Variants in ZKSCAN5 observed in about 807,000 individuals in gnomAD.
The protein encoded by ZKSCAN5 is zinc finger with KRAB and SCAN domains 5.
A neutral mutation model predicts 60.0 loss-of-function variants in ZKSCAN5; 28 were observed. That is an observed-to-expected ratio of 0.47 (90% CI 0.35 to 0.64). The LOEUF is 0.64. ZKSCAN5 is among the 30% of genes least tolerant of loss of function. ZKSCAN5 has a pLI of 0.01. For synonymous variants in ZKSCAN5, 361 were observed against 371.2 expected (o/e 0.97, Z 0.31); for missense variants, 881 against 1,034.6 (o/e 0.85, Z 2.04).
chr7:99,522,380 A>G (rs1801574858), intron 5 of ZKSCAN5, among the ~76,000 whole-genome samples: 1 of 152,100 alleles, frequency 6.6e-6, no homozygotes, highest in African/African-American at 2.4e-5. Context: ...TGAAAAAGCT[A>G]TTGTAGATGA....
chr7:99,510,909 A>G (rs1448101024), intron 2 of ZKSCAN5, among the ~76,000 whole-genome samples: 3 of 151,936 alleles, frequency 2.0e-5, no homozygotes, highest in Admixed American at 6.6e-5. Context: ...AGGCCTGGCT[A>G]ATTTTTATAT....
At chr7:99,514,542 C>T (rs1318003792) in intron 3 of ZKSCAN5, among the ~76,000 whole-genome samples, 1 of 151,912 alleles carries the variant, frequency 6.6e-6, no homozygotes. Context: ...GAGGCCAAAG[C>T]AGGTGGATCT....
At chr7:99,530,624 T>G (rs1327687427) in intron 6 of ZKSCAN5, among the ~76,000 whole-genome samples, 2 of 152,200 alleles carry the variant, frequency 1.3e-5, no homozygotes, top group African/African-American at 4.8e-5. Flanking sequence ...TCTTGCTCTT[T>G]TCGTCAGAAA....
chr7:99,506,133 T>C lies in ZKSCAN5; in HGVS notation c.89T>C (p.Val30Ala). 6.2e-7 allele frequency: 1 copy of C among 1,614,080 alleles called. No individual in the cohort carries two copies. The highest frequency in any genetic ancestry group is 8.5e-7 in the Non-Finnish European group (1 of 1,180,008). ...QEQEDLFIVK[V>A]EEEDCTWMQE... ...CAGGAAGACCTTTTCATAGTGAAGGTGGAAGAAGAAGACTGCACCTGGATG... is the reference window on the plus strand; with the variant it reads ...CAGGAAGACCTTTTCATAGTGAAGGCGGAAGAAGAAGACTGCACCTGGATG... Residue 30 changes from valine (V) to alanine (A), a missense_variant, in exon 2 of 7, where the codon GTG (valine) becomes GCG (alanine). This residue lies in a region of ZKSCAN5 where 88 missense variants were observed against 65.2 expected (regional missense o/e 1.35). Transcript: ENST00000326775.
At chr7:99,511,219 T>TGGCA (rs1362293306) in intron 2 of ZKSCAN5, among the ~76,000 whole-genome samples, 1 of 152,192 alleles carries the variant, frequency 6.6e-6, no homozygotes, top group Non-Finnish European at 1.5e-5. Flanking sequence ...AGAGTGGTTG[T>TGGCA]GGCAGAGTAA....
In ZKSCAN5 at chr7:99,523,874, A is replaced by G. The variant is rs183470960; in HGVS notation, c.773-1939A>G. On this transcript the variant is annotated intron_variant, in intron 5 of 6. Transcript: ENST00000326775. ...AGTTTAGGAATTATAACTTCTGACT[A>G]TATCAAAAAAGGATTATGGTAGCTC... Among the ~76,000 whole-genome samples the G allele has an allele frequency of 1.5e-4, 23 of 152,292 alleles. No homozygotes were observed. In the Middle Eastern group the frequency reaches 0.014, roughly 90 times the overall value.
In ZKSCAN5 at chr7:99,534,448, G is replaced by T. The variant is rs1222972660; in HGVS notation, c.*2199G>T. On this transcript the variant is annotated 3_prime_UTR_variant, in exon 7 of 7. Transcript: ENST00000326775. ...CCCAGCACTTTGGGAGGCTGAGGCG[G>T]GCAGATCACGAGGTCAAGAGATCGA... 6.6e-6 allele frequency: 1 copy of T among 152,162 alleles called. No individual in the cohort carries two copies. The highest frequency in any genetic ancestry group is 1.5e-5 in the Non-Finnish European group (1 of 68,064). 9.4% of individuals were successfully genotyped at this position (152,162 alleles called of 1,614,324 possible).
Position 99,526,052 on chromosome 7 carries a change from C to T in ZKSCAN5, c.1012C>T (p.Gln338Ter), listed in dbSNP as rs772038138. ...TGCAATCACAGACATCAGCCCTAAG[C>T]AAAGCACACATGGCGAGAGAGGGCA... ...LDAITDISPK[Q>*]STHGERGHRC... The change falls in exon 6 of 7, where the codon CAA (glutamine) becomes TAA (stop). Residue 338 changes from glutamine (Q) to a stop codon, truncating the protein, a stop_gained. Transcript: ENST00000326775. LOFTEE classifies it high-confidence loss of function. 1 of 1,614,194 alleles carries T rather than the reference C, an allele frequency of 6.2e-7. No homozygotes were observed. The highest frequency in any genetic ancestry group is 8.5e-7 in the Non-Finnish European group (1 of 1,180,034).
At position 99,520,296 on chromosome 7, in the gene ZKSCAN5, C is replaced by G; in HGVS notation, c.764C>G (p.Thr255Ser). The G allele has an allele frequency of 1.2e-6, 2 of 1,612,324 alleles. No individual in the cohort carries two copies. Among genetic ancestry groups the G allele is most frequent in the South Asian group, 2.2e-5 (2 of 90,656 alleles). ...AGGAAGGAGAACTATGGGAGTATTA[C>G]TTCCATGGGTAAGGATTATTTCATC... The part of the protein sequence containing the change: ...DDRKENYGSI[T>S]SMGYESRDNM... Residue 255 changes from threonine (T) to serine (S), a missense_variant, in exon 5 of 7, where the codon ACT (threonine) becomes AGT (serine). Transcript: ENST00000326775.
rs547633752 is a variant in ZKSCAN5 at position 99,512,812 on chromosome 7, T to TC, written c.553+222dup. ...GGAATTACACCAGCTTCTTTTTTTTTCTTTTATTTATTTATTTATTTATTA... is the reference window on the plus strand; with the variant it reads ...GGAATTACACCAGCTTCTTTTTTTTTCCTTTTATTTATTTATTTATTTATTA... On this transcript the variant is annotated intron_variant, in intron 3 of 6. Coordinates refer to ENST00000326775, the MANE Select transcript of ZKSCAN5 (RefSeq NM_145102.4). Among the ~76,000 whole-genome samples, 731 of 151,844 alleles carry TC rather than the reference T, an allele frequency of 4.8e-3. 2 individuals carry two copies. The highest frequency in any genetic ancestry group is 0.017 in the African/African-American group (699 of 41,472).
chr7:99,508,113 C>A (rs1280827116), intron 2 of ZKSCAN5, among the ~76,000 whole-genome samples: 2 of 151,704 alleles, frequency 1.3e-5, no homozygotes. Context: ...TCCTGGCCAA[C>A]ATGGTGAAAC....
chr7:99,512,629 A>G (rs1392241530), intron 3 of ZKSCAN5, 38 bp downstream of exon 3: 2 of 1,601,058 alleles, frequency 1.2e-6, no homozygotes, highest in African/African-American at 1.3e-5. Flanking sequence ...ATATAGCTCA[A>G]GAGTGGGTGC....
rs1443969279 is a variant in ZKSCAN5, at chr7:99,534,527, A to G, written c.*2278A>G. 1 of 152,094 alleles carries G rather than the reference A, an allele frequency of 6.6e-6. No homozygotes were observed. The highest frequency in any genetic ancestry group is 1.5e-5 in the Non-Finnish European group (1 of 68,072). 9.4% of individuals were successfully genotyped at this position (152,094 alleles called of 1,614,324 possible). A position where few individuals can be genotyped will look rare whatever the true frequency, so the allele number is the denominator to read the frequency against. ...ACCCGGTCTCTACTTAAAATACAAA[A>G]ATTAGCTGGGCATAGTGGCGCATGC... On this transcript the variant is annotated 3_prime_UTR_variant, in exon 7 of 7. Coordinates refer to ENST00000326775, the MANE Select transcript of ZKSCAN5 (RefSeq NM_145102.4).
At chr7:99,512,416 T>G in intron 2 of ZKSCAN5, 37 bp from the exon 3 acceptor site, 1 of 1,577,496 alleles carries the variant, frequency 6.3e-7, no homozygotes, top group Non-Finnish European at 8.6e-7. Flanking sequence ...TGGCCTTCTC[T>G]GTAACTGTAC....
intron 2 of ZKSCAN5, among the ~76,000 whole-genome samples, chr7:99,510,809 C>G (rs1021730670): frequency 1.3e-5 from 2 of 151,990 alleles, no homozygotes; most frequent in Non-Finnish European, 2.9e-5. Flanking sequence ...GGTGCAATCT[C>G]AGCTCACTGC....
At chr7:99,507,483 GTATATATGTA>G (rs1251953611) in intron 2 of ZKSCAN5, among the ~76,000 whole-genome samples, 7 of 128,100 alleles carry the variant, frequency 5.5e-5, no homozygotes, top group Admixed American at 8.1e-5. Context: ...GTATATATGT[GTATATATGTA>G]TATATGTGTA....
chr7:99,522,315 AG>A (rs1584191842), intron 5 of ZKSCAN5, among the ~76,000 whole-genome samples: 1 of 152,126 alleles, frequency 6.6e-6, no homozygotes, highest in Non-Finnish European at 1.5e-5. Context: ...GTGGAGTGGC[AG>A]GGGTGTTGGG....
intron 3 of ZKSCAN5, among the ~76,000 whole-genome samples, chr7:99,516,176 C>G (rs1279603518): frequency 6.6e-6 from 1 of 152,128 alleles, no homozygotes; most frequent in African/African-American, 2.4e-5. Flanking sequence ...CAGCTTCTCT[C>G]CTAGGCACAG....
In ZKSCAN5 at chr7:99,526,020, A is replaced by ATG. The variant is rs1562913853; in HGVS notation, c.981_982insGT (p.Leu328ValfsTer87). Reference sequence around the variant, plus strand: ...AGGCAGAATCCTTCCCAGAAAAGGGATCTGGATGCAATCACAGACATCAGC... The same window carrying ATG: ...AGGCAGAATCCTTCCCAGAAAAGGGATGTCTGGATGCAATCACAGACATCAGC... On this transcript the variant is annotated frameshift_variant, in exon 6 of 7. Transcript: ENST00000326775. LOFTEE classifies it high-confidence loss of function. 1 of 1,614,170 alleles carries ATG rather than the reference A, an allele frequency of 6.2e-7. No homozygotes were observed. Among genetic ancestry groups the ATG allele is most frequent in the Non-Finnish European group, 8.5e-7 (1 of 1,180,036 alleles).
Sources: allele counts gnomAD v4.1 joint callset (sites outside exome capture counted in the v4.1 genomes callset), GRCh38; gene constraint gnomAD v4.1.1; regional missense constraint gnomAD v4.1.1; transcripts MANE v1.5; gene names NCBI Gene and HGNC (gene_info 2026-07-23, HGNC 2026-07-21).